Variants in PAN3 observed in about 807,000 individuals in gnomAD.
The protein encoded by PAN3 is poly(A) specific ribonuclease subunit PAN3.
A neutral mutation model predicts 96.2 loss-of-function variants in PAN3; 19 were observed. That is an observed-to-expected ratio of 0.20 (90% CI 0.14 to 0.29). The LOEUF is 0.29. Among genes scored for constraint, PAN3 ranks in the 10% least tolerant of loss-of-function variants. PAN3 has a pLI of 1.00. For missense variants in PAN3, 882 were observed against 1,108.1 expected (o/e 0.80, Z 2.90); for synonymous variants, 433 against 406.6 (o/e 1.06, Z -0.78).
rs1414481368 is a variant in PAN3, at chr13:28,260,439, C to A, written c.1249-8C>A. 6.3e-7 allele frequency: 1 copy of A among 1,594,574 alleles called. No individual in the cohort carries two copies. The highest frequency in any genetic ancestry group is 8.6e-7 in the Non-Finnish European group (1 of 1,162,624). On this transcript the variant is annotated splice_region_variant and splice_polypyrimidine_tract_variant and intron_variant, in intron 7 of 18. Transcript: ENST00000380958. ...GTGATTACATTTACCCCCTTCCTAC[C>A]TTTTTAGGTGTTTCCAAACTATCAT...
intron 6 of PAN3, among the ~76,000 whole-genome samples, chr13:28,247,073 A>G (rs1486465407): frequency 2.0e-5 from 3 of 151,680 alleles, no homozygotes; most frequent in Non-Finnish European, 4.4e-5. Context: ...CCATATCCTC[A>G]CCAGTATTCA....
chr13:28,194,176 C>CA lies in PAN3; in HGVS notation c.691-2997dup, dbSNP rs934424111. 3.6e-3 allele frequency among the ~76,000 whole-genome samples: 487 copies of CA among 136,932 alleles called. 3 individuals are homozygous for CA. The highest frequency in any genetic ancestry group is 0.01 in the African/African-American group (378 of 37,434). 89.8% of individuals were successfully genotyped at this position (136,932 alleles called of 152,430 possible). A position where few individuals can be genotyped will look rare whatever the true frequency, so the allele number is the denominator to read the frequency against. ...AAAAAAATAAAAAGAGACACTGTCT[C>CA]AAAAAAAAAAAAGTACATCTGAATT... On this transcript the variant is annotated intron_variant, in intron 4 of 18. Coordinates refer to ENST00000380958, the MANE Select transcript of PAN3 (RefSeq NM_175854.8).
At chr13:28,289,844 T>C (rs1035312403) in intron 18 of PAN3, among the ~76,000 whole-genome samples, 1 of 151,928 alleles carries the variant, frequency 6.6e-6, no homozygotes, top group Admixed American at 6.6e-5. Flanking sequence ...ATTGGGCCAC[T>C]GCACTCCAGT....
intron 17 of PAN3, among the ~76,000 whole-genome samples, chr13:28,285,684 C>T (rs1467467482): frequency 6.6e-6 from 1 of 152,122 alleles, no homozygotes. Flanking sequence ...TATTTTCTAT[C>T]TCTAATTTTT....
intron 5 of PAN3, among the ~76,000 whole-genome samples, chr13:28,217,673 TG>T (rs1374064319): frequency 2.0e-5 from 3 of 152,116 alleles, no homozygotes; most frequent in South Asian, 2.1e-4. Context: ...TTTTTTAAAA[TG>T]TCCACTTAGA....
intron 4 of PAN3, among the ~76,000 whole-genome samples, chr13:28,193,477 C>T (rs980473853): frequency 1.3e-5 from 2 of 152,080 alleles, no homozygotes; most frequent in Non-Finnish European, 2.9e-5. Context: ...GCACGTGGTT[C>T]ACGCCTGTAA....
At chr13:28,179,424 C>T (rs1283439372) in intron 4 of PAN3, among the ~76,000 whole-genome samples, 1 of 152,124 alleles carries the variant, frequency 6.6e-6, no homozygotes, top group African/African-American at 2.4e-5. Context: ...ATAAAATAAT[C>T]AGTTAACTTG....
In PAN3 at chr13:28,182,466, G is replaced by T. The variant is rs371913231; in HGVS notation, c.690+4531G>T. Among the ~76,000 whole-genome samples the T allele has an allele frequency of 5.9e-5, 9 of 152,094 alleles. No individual in the cohort carries two copies. The East Asian group carries it at 1.2e-3, about 20-fold the overall frequency. On this transcript the variant is annotated intron_variant, in intron 4 of 18. Coordinates refer to ENST00000380958, the MANE Select transcript of PAN3 (RefSeq NM_175854.8). ...TAGTATGTTGTTTCAGTCAATATGCGGTTTTATGTGGATATTTGTATTATA... is the reference window on the plus strand; with the variant it reads ...TAGTATGTTGTTTCAGTCAATATGCTGTTTTATGTGGATATTTGTATTATA...
intron 6 of PAN3, among the ~76,000 whole-genome samples, chr13:28,240,894 T>A (rs539097290): frequency 1.3e-5 from 2 of 152,356 alleles, no homozygotes; most frequent in East Asian, 3.9e-4. Context: ...TGGGATGAGA[T>A]CCATGTTTAA....
intron 18 of PAN3, among the ~76,000 whole-genome samples, chr13:28,289,850 C>G (rs896485109): frequency 3.3e-5 from 5 of 152,110 alleles, no homozygotes; most frequent in Admixed American, 3.3e-4. Context: ...CCACTGCACT[C>G]CAGTCTGGCC....
chr13:28,263,947 C>A (rs1356138207), intron 9 of PAN3, among the ~76,000 whole-genome samples: 7 of 152,166 alleles, frequency 4.6e-5, no homozygotes, highest in African/African-American at 1.7e-4. Flanking sequence ...TTCAAACAAA[C>A]ACCGCCCTAT....
At chr13:28,219,124 A>G (rs765174910) in intron 5 of PAN3, among the ~76,000 whole-genome samples, 51 of 152,170 alleles carry the variant, frequency 3.4e-4, no homozygotes, top group Middle Eastern at 3.2e-3. Context: ...CGGGAATGTT[A>G]TAGTTGGAAA....
rs188635979 is a variant in PAN3, at chr13:28,140,716, C to G, written c.430+1629C>G. On this transcript the variant is annotated intron_variant, in intron 1 of 18. Coordinates refer to ENST00000380958, the MANE Select transcript of PAN3 (RefSeq NM_175854.8). Reference sequence around the variant, plus strand: ...TCTGTTCTGTTCTTTTCTCCTTTCTCTCTTCTTTCTTTTTCTTTTATAGAA... The same window carrying G: ...TCTGTTCTGTTCTTTTCTCCTTTCTGTCTTCTTTCTTTTTCTTTTATAGAA... Among the ~76,000 whole-genome samples the G allele has an allele frequency of 4.1e-3, 610 of 147,930 alleles. 7 individuals are homozygous for G. The highest frequency in any genetic ancestry group is 0.015 in the African/African-American group (582 of 39,144).
chr13:28,243,276 T>TTTTTTTTTTTTTTTTTTTA (rs1883852276), intron 6 of PAN3, among the ~76,000 whole-genome samples: 2 of 152,236 alleles, frequency 1.3e-5, no homozygotes, highest in Non-Finnish European at 2.9e-5. Flanking sequence ...TTGATTTGGA[T>TTTTTTTTTTTTTTTTTTTA]ACCCTTTTTA....
In PAN3 at chr13:28,261,437, A is replaced by G; in HGVS notation, c.1390A>G (p.Ile464Val). The change falls in exon 9 of 19, where the codon ATT (isoleucine) becomes GTT (valine). Residue 464 changes from isoleucine (I) to valine (V), a missense_variant. By Grantham distance (29) the Ile-to-Val change is conservative. This residue lies in a region of PAN3 where 364 missense variants were observed against 513.6 expected (regional missense o/e 0.71). Transcript: ENST00000380958. ...INRHLITMAQ[I>V]DQADMPAVPT... ...CAGACATTTAATAACAATGGCTCAA[A>G]TTGATCAAGCAGATATGCCAGGTAA... 6.2e-7 allele frequency: 1 copy of G among 1,611,038 alleles called. No individual in the cohort carries two copies. The highest frequency in any genetic ancestry group is 1.1e-5 in the South Asian group (1 of 90,668).
At chr13:28,205,876 A>G (rs1203220609) in intron 5 of PAN3, among the ~76,000 whole-genome samples, 1 of 151,444 alleles carries the variant, frequency 6.6e-6, no homozygotes, top group Non-Finnish European at 1.5e-5. Flanking sequence ...AAAAAAAAAA[A>G]AGAAAAGAAA....
chr13:28,208,208 G>A lies in PAN3; in HGVS notation c.852+10862G>A, dbSNP rs374339222. ...CATCTAAGTATTATAAATTACTGTG[G>A]AATATGACAAATAGGTTTTACTGTT... On this transcript the variant is annotated intron_variant, in intron 5 of 18. Coordinates refer to ENST00000380958, the MANE Select transcript of PAN3 (RefSeq NM_175854.8). 2.6e-5 allele frequency among the ~76,000 whole-genome samples: 4 copies of A among 152,210 alleles called. No individual in the cohort carries two copies. In the South Asian group the frequency reaches 6.2e-4, roughly 24 times the overall value.
chr13:28,279,999 G>A lies in PAN3; in HGVS notation c.2190-413G>A, dbSNP rs1174033751. On this transcript the variant is annotated intron_variant, in intron 15 of 18. Transcript: ENST00000380958. ...TTTTTAGTAGAGACGGGGTTTCACCGTGTTGGCCAGGCTGGTCTTAAAGTG... is the reference window on the plus strand; with the variant it reads ...TTTTTAGTAGAGACGGGGTTTCACCATGTTGGCCAGGCTGGTCTTAAAGTG... 5.9e-5 allele frequency among the ~76,000 whole-genome samples: 9 copies of A among 151,708 alleles called. No individual in the cohort carries two copies. In the East Asian group the frequency reaches 6.0e-4, roughly 10 times the overall value.
chr13:28,159,725 G>A (rs1872669596), intron 1 of PAN3, among the ~76,000 whole-genome samples: 1 of 152,094 alleles, frequency 6.6e-6, no homozygotes, highest in African/African-American at 2.4e-5. Context: ...TGGGATTATA[G>A]GTGTGAGTCA....
Sources: allele counts gnomAD v4.1 joint callset (sites outside exome capture counted in the v4.1 genomes callset), GRCh38; gene constraint gnomAD v4.1.1; regional missense constraint gnomAD v4.1.1; transcripts MANE v1.5; gene names NCBI Gene and HGNC (gene_info 2026-07-23, HGNC 2026-07-21).